NRG3: variants seen among roughly 807,000 people sequenced by gnomAD.
The protein encoded by NRG3 is pro-neuregulin-3, membrane-bound isoform.
In NRG3, 31 loss-of-function variants were observed where a neutral mutation model predicts 66.9. The ratio of observed to expected loss-of-function variants is 0.46; its 90% confidence interval spans 0.35 to 0.63. The LOEUF (loss-of-function observed/expected upper bound fraction) is 0.63. Among genes scored for constraint, NRG3 ranks in the 20% least tolerant of loss-of-function variants. The pLI is 0.00. For synonymous variants in NRG3, 393 were observed against 359.4 expected (o/e 1.09, Z -1.06); for missense variants, 910 against 878.9 (o/e 1.04, Z -0.45).
chr10:82,009,579 T>C (rs1687264717), intron 1 of NRG3, among the ~76,000 whole-genome samples: 2 of 152,184 alleles, frequency 1.3e-5, no homozygotes, highest in African/African-American at 2.4e-5. Flanking sequence ...GTTAAAGATA[T>C]TTCCTTTTAC....
chr10:82,929,922 T>C (rs1043308459), intron 4 of NRG3, among the ~76,000 whole-genome samples: 2 of 150,846 alleles, frequency 1.3e-5, no homozygotes, highest in Admixed American at 6.6e-5. Flanking sequence ...CTTTATAATA[T>C]ACAACACAAA....
chr10:82,473,475 C>A (rs549062994), intron 2 of NRG3, among the ~76,000 whole-genome samples: 2 of 151,992 alleles, frequency 1.3e-5, no homozygotes, highest in African/African-American at 4.8e-5. Flanking sequence ...ACAAACAAAC[C>A]AACAAACAAA....
chr10:81,977,776 A>G (rs2060181038), intron 1 of NRG3, among the ~76,000 whole-genome samples: 1 of 152,346 alleles, frequency 6.6e-6, no homozygotes, highest in East Asian at 1.9e-4. Context: ...TTTTCCATTT[A>G]TACAATGGAG....
intron 2 of NRG3, among the ~76,000 whole-genome samples, chr10:82,473,240 T>C (rs1363105039): frequency 1.3e-5 from 2 of 152,160 alleles, no homozygotes; most frequent in Non-Finnish European, 2.9e-5. Flanking sequence ...CACTGAGCTG[T>C]GTGTTTTAGT....
At chr10:82,255,622 A>G (rs563985290) in intron 1 of NRG3, among the ~76,000 whole-genome samples, 18 of 152,278 alleles carry the variant, frequency 1.2e-4, no homozygotes, top group African/African-American at 3.4e-4. Flanking sequence ...CAAACAAAAA[A>G]CACAGAGTCT....
intron 1 of NRG3, among the ~76,000 whole-genome samples, chr10:81,958,726 C>A (rs576626115): frequency 6.6e-6 from 1 of 152,104 alleles, no homozygotes; most frequent in Non-Finnish European, 1.5e-5. Context: ...CCTGTCTGTA[C>A]TAAAAATACA....
chr10:82,822,594 A>C (rs1459311637), intron 3 of NRG3, among the ~76,000 whole-genome samples: 1 of 152,112 alleles, frequency 6.6e-6, no homozygotes. Context: ...TGGACCCCAG[A>C]TTATTGAGAC....
intron 2 of NRG3, among the ~76,000 whole-genome samples, chr10:82,361,618 A>G (rs1210116434): frequency 6.6e-6 from 1 of 152,244 alleles, no homozygotes; most frequent in East Asian, 1.9e-4. Context: ...TTGAATAAAT[A>G]CATACAGAAA....
intron 1 of NRG3, among the ~76,000 whole-genome samples, chr10:82,245,665 A>G (rs553360488): frequency 6.6e-6 from 1 of 152,350 alleles, no homozygotes; most frequent in South Asian, 2.1e-4. Flanking sequence ...TGCTAATAGT[A>G]TAAGTACCTG....
chr10:82,508,520 C>T lies in NRG3; in HGVS notation c.953+149652C>T, dbSNP rs1439861948. Among the ~76,000 whole-genome samples the T allele has an allele frequency of 2.0e-5, 3 of 152,142 alleles. No individual in the cohort carries two copies. The East Asian group carries it at 5.8e-4, about 29-fold the overall frequency. Reference sequence around the variant, plus strand: ...CAATCAATATCCAAAATAATAACTACAAACCATTGAAAGCAAATCCTCAAA... The same window carrying T: ...CAATCAATATCCAAAATAATAACTATAAACCATTGAAAGCAAATCCTCAAA... On this transcript the variant is annotated intron_variant, in intron 2 of 8. Coordinates refer to ENST00000372141, the MANE Select transcript of NRG3 (RefSeq NM_001010848.4).
intron 2 of NRG3, among the ~76,000 whole-genome samples, chr10:82,621,636 C>A (rs928591653): frequency 1.3e-5 from 2 of 152,142 alleles, no homozygotes; most frequent in African/African-American, 2.4e-5. Context: ...ATAGTTTAGA[C>A]TGGGGGGAGA....
intron 5 of NRG3, among the ~76,000 whole-genome samples, chr10:82,953,774 A>G (rs1000336347): frequency 1.3e-5 from 2 of 151,838 alleles, no homozygotes; most frequent in Non-Finnish European, 2.9e-5. Flanking sequence ...CCTGGCCAAC[A>G]TGGTGAAATT....
chr10:81,997,517 A>G (rs570049938), intron 1 of NRG3, among the ~76,000 whole-genome samples: 1 of 152,212 alleles, frequency 6.6e-6, no homozygotes, highest in South Asian at 2.1e-4. Flanking sequence ...AGACAGTGAA[A>G]TGTGAAGCCT....
At chr10:81,885,222 G>GC (rs1219998479) in intron 1 of NRG3, among the ~76,000 whole-genome samples, 1 of 152,116 alleles carries the variant, frequency 6.6e-6, no homozygotes, top group Non-Finnish European at 1.5e-5. Context: ...TGCCTTCTCT[G>GC]CCCATTCCAA....
chr10:82,490,539 C>T (rs1246337683), intron 2 of NRG3, among the ~76,000 whole-genome samples: 2 of 152,108 alleles, frequency 1.3e-5, no homozygotes, highest in African/African-American at 2.4e-5. Context: ...CTTGCTTTCT[C>T]CTCATGACTT....
Position 81,876,154 on chromosome 10 carries a change from C to T in NRG3, c.814C>T (p.Pro272Ser). 6.3e-7 allele frequency: 1 copy of T among 1,584,786 alleles called. No individual in the cohort carries two copies. Among genetic ancestry groups the T allele is most frequent in the Non-Finnish European group, 8.6e-7 (1 of 1,165,440 alleles). Reference sequence around the variant, plus strand: ...CACCACACCAGAAACTAGCACCAGCCCCAAATTTCGTAAGTAAACACTGTG... The same window carrying T: ...CACCACACCAGAAACTAGCACCAGCTCCAAATTTCGTAAGTAAACACTGTG... ...TTTTPETSTS[P>S]KFHTTTYSTE... is the part of the protein sequence containing the mutation. Residue 272 changes from proline to serine, a missense_variant, in exon 1 of 9, where the codon CCC becomes TCC. Physicochemically the swap from Pro to Ser is moderately conservative, Grantham distance 74 (BLOSUM62 -1). Transcript: ENST00000372141.
At chr10:82,068,593 G>A (rs1044953456) in intron 1 of NRG3, among the ~76,000 whole-genome samples, 1 of 152,188 alleles carries the variant, frequency 6.6e-6, no homozygotes, top group Non-Finnish European at 1.5e-5. Context: ...CACATAAATA[G>A]GGGTTTCAAT....
intron 3 of NRG3, among the ~76,000 whole-genome samples, chr10:82,772,704 C>CTTTTTTT (rs745609399): frequency 2.4e-4 from 27 of 111,692 alleles, no homozygotes; most frequent in African/African-American, 3.7e-4. Context: ...GCTTCCATAT[C>CTTTTTTT]TTTTTTTTTT....
Position 81,875,790 on chromosome 10 carries a change from G to T in NRG3, c.450G>T (p.Thr150=). Residue 150 remains threonine (T), a synonymous_variant, in exon 1 of 9, where the codon ACG becomes ACT. Coordinates refer to ENST00000372141, the MANE Select transcript of NRG3 (RefSeq NM_001010848.4). The surrounding 1 kb of genome is among the most constrained non-coding windows in gnomAD (Gnocchi z 5.3). ...CCGGGGGTGCCGCCTCCTCCAGGAC[G>T]CCCAACCGGATTAGCACTCGCCTGA... ...PSAGGAASSR[T]PNRISTRLTT... is the part of the protein sequence containing the mutation. 6.2e-7 allele frequency: 1 copy of T among 1,610,544 alleles called. No individual in the cohort carries two copies.
Sources: gnomAD v4.1 joint callset for allele counts (sites outside exome capture counted in the v4.1 genomes callset) on GRCh38, gnomAD v4.1.1 for gene constraint, Gnocchi (gnomAD v3.1) non-coding constraint, MANE v1.5 for transcripts, NCBI Gene and HGNC (gene_info 2026-07-23, HGNC 2026-07-21) for gene names.